The following SLF1 variants were observed in gnomAD, a reference collection of about 807,000 sequenced individuals.
The protein encoded by SLF1 is SMC5/6 complex localization factor 1.
Under a neutral mutation model 123.0 loss-of-function variants are expected in SLF1, and 105 were observed. That is an observed-to-expected ratio of 0.85 (90% CI 0.73 to 1.00). The LOEUF is 1.00. Among genes scored for constraint, SLF1 ranks in the 50% least tolerant of loss-of-function variants. The probability of loss-of-function intolerance (pLI) is 0.00; values close to 1 mark genes in which losing one functional copy is unlikely to be tolerated. For missense variants in SLF1, 1,239 were observed against 1,223.0 expected, an observed-to-expected ratio of 1.01 and a Z score of -0.20; for synonymous variants, 434 against 406.6, an observed-to-expected ratio of 1.07 and a Z score of -0.81.
intron 15 of SLF1, among the ~76,000 whole-genome samples, chr5:94,679,750 T>G (rs551197520): frequency 6.6e-6 from 1 of 152,216 alleles, no homozygotes; most frequent in African/African-American, 2.4e-5. Context: ...CTTTAAAGTC[T>G]CCCCTAAAAT....
In SLF1 at chr5:94,623,388, G is replaced by A. The variant is rs568583516; in HGVS notation, c.-1+4623G>A. ...AAGATTTTAATAATTACTACAAAAGGACATTTTCTCATAACCAAGAATGTC... is the reference window on the plus strand; with the variant it reads ...AAGATTTTAATAATTACTACAAAAGAACATTTTCTCATAACCAAGAATGTC... On this transcript the variant is annotated intron_variant, in intron 1 of 20. Transcript: ENST00000265140. Among the ~76,000 whole-genome samples, 6 of 152,166 alleles carry A rather than the reference G, an allele frequency of 3.9e-5. No homozygotes were observed. The South Asian group carries it at 1.2e-3, about 32-fold the overall frequency.
chr5:94,648,819 A>T (rs1264658876), intron 5 of SLF1, among the ~76,000 whole-genome samples: 2 of 152,212 alleles, frequency 1.3e-5, no homozygotes, highest in African/African-American at 4.8e-5. Context: ...AACTGTCATG[A>T]ACTTTTACTC....
intron 5 of SLF1, among the ~76,000 whole-genome samples, chr5:94,643,984 G>A (rs563760566): frequency 2.0e-5 from 3 of 152,176 alleles, no homozygotes; most frequent in South Asian, 2.1e-4. Context: ...TTCCCATCTC[G>A]TAGATACCAT....
intron 4 of SLF1, among the ~76,000 whole-genome samples, chr5:94,641,467 A>G (rs1480258599): frequency 6.6e-6 from 1 of 152,212 alleles, no homozygotes; most frequent in African/African-American, 2.4e-5. Context: ...AGAGCAGCAG[A>G]AAACAACAAG....
rs1440303605 is a variant in SLF1 at position 94,629,032 on chromosome 5, A to T, written c.115-60A>T. 13 of 1,434,064 alleles carry T rather than the reference A, an allele frequency of 9.1e-6. 1 individual carries two copies. The highest frequency in any genetic ancestry group is 7.6e-6 in the Non-Finnish European group (8 of 1,056,714). The allele number at this position is 1,434,064 out of a possible 1,614,324, so 88.8% of individuals were successfully genotyped here. On this transcript the variant is annotated intron_variant, in intron 2 of 20. Transcript: ENST00000265140. ...TCTTGATATTGTAGCAATAAAAAGG[A>T]TGTGTCATAAAGGGAGTCTTACTTT...
intron 4 of SLF1, among the ~76,000 whole-genome samples, chr5:94,635,494 A>G (rs1034784922): frequency 6.6e-6 from 1 of 150,752 alleles, no homozygotes; most frequent in Non-Finnish European, 1.5e-5. Context: ...TGATTTGTAT[A>G]TACTGTGTTT....
intron 15 of SLF1, among the ~76,000 whole-genome samples, chr5:94,679,835 T>C (rs66578784): frequency 0.22 from 33,848 of 152,022 alleles, 3,895 homozygotes; most frequent in East Asian, 0.34. Context: ...TCTACCCAAT[T>C]CTTTGGGCCT....
At chr5:94,681,039 G>A (rs1171093063) in intron 15 of SLF1, among the ~76,000 whole-genome samples, 6 of 152,206 alleles carry the variant, frequency 3.9e-5, no homozygotes, top group Non-Finnish European at 5.9e-5. Context: ...TTCTCAAAAT[G>A]TACACGTGTG....
rs527314529 is a variant in SLF1 at position 94,666,083 on chromosome 5, T to C, written c.1532+59T>C. On this transcript the variant is annotated intron_variant, in intron 12 of 20. Coordinates refer to ENST00000265140, the MANE Select transcript of SLF1 (RefSeq NM_032290.4). ...CATTGAGTAGTTGTTATGCTAATTA[T>C]TTTTTTAAGATACTGATGAAAGAAG... 3.0e-5 allele frequency: 41 copies of C among 1,388,960 alleles called. No homozygotes were observed. The African/African-American group carries it at 5.0e-4, about 17-fold the overall frequency. 86.0% of individuals were successfully genotyped at this position (1,388,960 alleles called of 1,614,324 possible).
chr5:94,684,366 C>T (rs868391765), intron 15 of SLF1, among the ~76,000 whole-genome samples: 6 of 152,050 alleles, frequency 3.9e-5, no homozygotes, highest in African/African-American at 9.7e-5. Flanking sequence ...AGCAAGAGAA[C>T]GGGTTGTAAG....
intron 4 of SLF1, among the ~76,000 whole-genome samples, chr5:94,637,212 C>T (rs2122984): frequency 0.22 from 33,851 of 152,020 alleles, 3,894 homozygotes; most frequent in East Asian, 0.34. Flanking sequence ...TTGGCAGGGA[C>T]AGAATTTCAC....
intron 9 of SLF1, among the ~76,000 whole-genome samples, chr5:94,660,152 G>A (rs572325263): frequency 2.3e-4 from 35 of 152,290 alleles, no homozygotes; most frequent in African/African-American, 8.2e-4. Context: ...GGCTGTCCTA[G>A]GCCCCAGATG....
intron 14 of SLF1, among the ~76,000 whole-genome samples, chr5:94,674,161 T>C (rs1329938436): frequency 2.0e-5 from 3 of 152,162 alleles, no homozygotes; most frequent in African/African-American, 4.8e-5. Context: ...ATAGAACGTT[T>C]CTTTTTTTCA....
At chr5:94,677,959 C>T (rs1205584918) in intron 14 of SLF1, among the ~76,000 whole-genome samples, 1 of 150,512 alleles carries the variant, frequency 6.6e-6, no homozygotes, top group Admixed American at 6.6e-5. Flanking sequence ...CTCACTCTGT[C>T]ACCCAGGCTG....
intron 9 of SLF1, among the ~76,000 whole-genome samples, chr5:94,656,451 C>G (rs528810152): frequency 2.0e-4 from 31 of 151,950 alleles, no homozygotes; most frequent in African/African-American, 6.7e-4. Flanking sequence ...CTGTAGTTTT[C>G]TTTTTGTGTT....
intron 8 of SLF1, among the ~76,000 whole-genome samples, chr5:94,653,731 A>G (rs1748029650): frequency 6.6e-6 from 1 of 152,250 alleles, no homozygotes; most frequent in Admixed American, 6.5e-5. Context: ...ATGTGTGTAT[A>G]GTTGGGTAAT....
At chr5:94,645,128 C>T (rs1746871087) in intron 5 of SLF1, among the ~76,000 whole-genome samples, 1 of 152,124 alleles carries the variant, frequency 6.6e-6, no homozygotes. Flanking sequence ...CAATTCTGAT[C>T]AATGGGTCAT....
chr5:94,693,176 T>C (rs1448231111), intron 20 of SLF1, among the ~76,000 whole-genome samples: 1 of 152,108 alleles, frequency 6.6e-6, no homozygotes, highest in African/African-American at 2.4e-5. Context: ...TAAGGAAGGC[T>C]GTATAGCATG....
intron 1 of SLF1, among the ~76,000 whole-genome samples, chr5:94,626,930 ACTT>A (rs982913904): frequency 1.3e-5 from 2 of 152,218 alleles, no homozygotes; most frequent in African/African-American, 4.8e-5. Context: ...CCCTAGCTGA[ACTT>A]CTCCTCTTCA....
Sources: gnomAD v4.1 joint callset for allele counts (sites outside exome capture counted in the v4.1 genomes callset) on GRCh38, gnomAD v4.1.1 for gene constraint, MANE v1.5 for transcripts, NCBI Gene and HGNC (gene_info 2026-07-23, HGNC 2026-07-21) for gene names.